The following AHI1 variants were observed in gnomAD, a reference collection of about 807,000 sequenced individuals.
AHI1 encodes the protein Abelson helper integration site 1.
Under a neutral mutation model 149.3 loss-of-function variants are expected in AHI1, and 123 were observed. The ratio of observed to expected loss-of-function variants is 0.82; its 90% CI spans 0.71 to 0.96. The LOEUF (loss-of-function observed/expected upper bound fraction) is 0.96, where lower values mean the gene tolerates loss of function less well. Among genes scored for constraint, AHI1 ranks in the 40% least tolerant of loss-of-function variants. The pLI is 0.00. For missense variants in AHI1, 1,439 were observed against 1,422.7 expected (o/e 1.01, Z -0.18); for synonymous variants, 475 against 459.8 (o/e 1.03, Z -0.42).
chr6:135,462,213 T>C (rs907803380), intron 8 of AHI1, among the ~76,000 whole-genome samples: 2 of 151,960 alleles, frequency 1.3e-5, no homozygotes, highest in African/African-American at 4.8e-5. Context: ...ATAAGTACTA[T>C]AAAATCTAAA....
At chr6:135,370,831 G>C (rs897674959) in intron 23 of AHI1, among the ~76,000 whole-genome samples, 4 of 152,010 alleles carry the variant, frequency 2.6e-5, no homozygotes, top group Middle Eastern at 3.2e-3. Flanking sequence ...GTCTATTTCA[G>C]TGGATACTCC....
intron 5 of AHI1, among the ~76,000 whole-genome samples, chr6:135,483,139 C>A (rs1793972656): frequency 6.6e-6 from 1 of 151,196 alleles, no homozygotes; most frequent in African/African-American, 2.4e-5. Flanking sequence ...ACTTCGTGAT[C>A]AGCCCACCTT....
chr6:135,419,369 C>A (rs1171801181), intron 20 of AHI1, among the ~76,000 whole-genome samples: 1 of 152,050 alleles, frequency 6.6e-6, no homozygotes, highest in African/African-American at 2.4e-5. Flanking sequence ...GTCATACATA[C>A]CCTGCTACAG....
chr6:135,399,398 G>C (rs1779706364), intron 22 of AHI1, among the ~76,000 whole-genome samples: 1 of 152,028 alleles, frequency 6.6e-6, no homozygotes, highest in Non-Finnish European at 1.5e-5. Flanking sequence ...TCTTCAACCG[G>C]GTACAACAAA....
chr6:135,287,588 A>G (rs1170737115), intron 28 of AHI1, among the ~76,000 whole-genome samples: 1 of 152,204 alleles, frequency 6.6e-6, no homozygotes, highest in Non-Finnish European at 1.5e-5. Flanking sequence ...TCTAACCAAA[A>G]GACAAGGATA....
intron 24 of AHI1, among the ~76,000 whole-genome samples, chr6:135,342,799 T>TAC (rs1554284346): frequency 2.0e-5 from 3 of 151,342 alleles, no homozygotes; most frequent in East Asian, 1.9e-4. Context: ...ATATATAGGC[T>TAC]ACACACACAC....
intron 28 of AHI1, 92 bp from the exon 29 acceptor site, chr6:135,285,739 G>T: frequency 1.9e-6 from 2 of 1,029,838 alleles, no homozygotes; most frequent in Non-Finnish European, 2.9e-6. Context: ...CAACAGCACA[G>T]GTAATAAAGG....
At chr6:135,320,810 A>C (rs1018334444) in intron 25 of AHI1, among the ~76,000 whole-genome samples, 1 of 152,210 alleles carries the variant, frequency 6.6e-6, no homozygotes, top group Non-Finnish European at 1.5e-5. Flanking sequence ...CTCCAGAGTG[A>C]CTACCATTGT....
intron 24 of AHI1, among the ~76,000 whole-genome samples, chr6:135,339,031 G>C (rs1789877729): frequency 6.6e-6 from 1 of 151,554 alleles, no homozygotes; most frequent in Non-Finnish European, 1.5e-5. Context: ...GGGTTCAAGT[G>C]ATCCTCCTGC....
intron 9 of AHI1, among the ~76,000 whole-genome samples, chr6:135,456,793 T>C (rs909874285): frequency 6.6e-6 from 1 of 152,188 alleles, no homozygotes; most frequent in Admixed American, 6.5e-5. Flanking sequence ...GCTATAGAAG[T>C]ACTCTTAGAA....
intron 26 of AHI1, among the ~76,000 whole-genome samples, chr6:135,307,505 G>GT (rs1228575259): frequency 6.6e-6 from 1 of 151,854 alleles, no homozygotes; most frequent in African/African-American, 2.4e-5. Context: ...TAAAATTCTT[G>GT]TTTTTAAGTA....
rs1330559053 is a variant in AHI1, at chr6:135,318,685, T to C, written c.3329-69A>G. ...CTGCTCCATGGGGGAAAAACAACGATGGTAGGGGCAAATATGAAATTAAAG... is the reference window on the plus strand; with the variant it reads ...CTGCTCCATGGGGGAAAAACAACGACGGTAGGGGCAAATATGAAATTAAAG... On this transcript the variant is annotated intron_variant, in intron 25 of 28. Transcript: ENST00000265602. 12 of 870,226 alleles carry C rather than the reference T, an allele frequency of 1.4e-5. 1 individual carries two copies. The Middle Eastern group carries it at 9.0e-4, about 65-fold the overall frequency. The allele number at this position is 870,226 out of a possible 1,614,324, so 53.9% of individuals were successfully genotyped here.
intron 20 of AHI1, among the ~76,000 whole-genome samples, chr6:135,416,949 G>T (rs1280935795): frequency 1.3e-5 from 2 of 152,004 alleles, no homozygotes; most frequent in Non-Finnish European, 2.9e-5. Flanking sequence ...TTGTGGATTT[G>T]ACTATTATTT....
Position 135,315,782 on chromosome 6 carries a change from A to C in AHI1, c.3426+2737T>G, listed in dbSNP as rs571251005. ...ATTATTCTTCTTGTGCTCCTATCTC[A>C]CTCCTTTGCCACTCGCATTAGAAAT... On this transcript the variant is annotated intron_variant, in intron 26 of 28. Transcript: ENST00000265602. Among the ~76,000 whole-genome samples, 69 of 152,154 alleles carry C rather than the reference A, an allele frequency of 4.5e-4. 1 individual carries two copies. Among genetic ancestry groups the C allele is most frequent in the South Asian group, 2.1e-4 (1 of 4,808 alleles).
intron 23 of AHI1, chr6:135,387,950 G>GCT (rs1199289923): frequency 6.2e-7 from 1 of 1,612,798 alleles, no homozygotes; most frequent in Non-Finnish European, 8.5e-7. Context: ...TCCCAGGTCG[G>GCT]CTCAGTTCTT....
At chr6:135,294,069 A>T (rs1285223163) in intron 27 of AHI1, among the ~76,000 whole-genome samples, 3 of 152,216 alleles carry the variant, frequency 2.0e-5, no homozygotes, top group African/African-American at 7.2e-5. Context: ...TCACACCTGT[A>T]ATCCCAGCAC....
intron 17 of AHI1, 130 bp from the exon 18 acceptor site, chr6:135,430,130 AAGG>A (rs1784446780): frequency 1.8e-6 from 1 of 557,762 alleles, no homozygotes; most frequent in African/African-American, 1.9e-5. Context: ...TTGTTAGCAA[AAGG>A]ATTCTGAGTA....
intron 5 of AHI1, among the ~76,000 whole-genome samples, chr6:135,477,677 C>G (rs1583440939): frequency 6.6e-6 from 1 of 152,192 alleles, no homozygotes; most frequent in Admixed American, 6.5e-5. Flanking sequence ...CTCTCTCTCT[C>G]TCCTGCTCTG....
chr6:135,318,739 A>G, intron 25 of AHI1, 123 bp from the exon 26 acceptor site: 2 of 574,942 alleles, frequency 3.5e-6, no homozygotes, highest in South Asian at 6.7e-5. Context: ...TTGGTGTACC[A>G]ATAAGATACC....
Sources: gnomAD v4.1 joint callset for allele counts (sites outside exome capture counted in the v4.1 genomes callset) on GRCh38, gnomAD v4.1.1 for gene constraint, MANE v1.5 for transcripts, NCBI Gene and HGNC (gene_info 2026-07-23, HGNC 2026-07-21) for gene names.